Variants in HDGFL2 observed in about 807,000 individuals in gnomAD.
HDGFL2 encodes the protein HDGF like 2.
In HDGFL2, 36 loss-of-function variants were observed where a neutral mutation model predicts 77.1. That is an observed-to-expected ratio of 0.47 (90% CI 0.36 to 0.62). HDGFL2 has a LOEUF of 0.62. Ranked by LOEUF, HDGFL2 falls within the 20% of genes least tolerant of loss-of-function variation. The pLI is 0.00. For synonymous variants in HDGFL2, 463 were observed against 413.1 expected (o/e 1.12, Z -1.46); for missense variants, 976 against 973.4 (o/e 1.00, Z -0.04).
intron 3 of HDGFL2, among the ~76,000 whole-genome samples, chr19:4,485,988 G>A (rs1399827309): frequency 6.7e-6 from 1 of 149,892 alleles, no homozygotes; most frequent in Non-Finnish European, 1.5e-5. Flanking sequence ...AGGAAGTTGA[G>A]GCTGCAGTGA....
chr19:4,497,708 A>G, intron 10 of HDGFL2: 1 of 541,356 alleles, frequency 1.8e-6, no homozygotes, highest in Non-Finnish European at 3.3e-6. Flanking sequence ...AACGAGGAAA[A>G]GAATCCTGGG....
Position 4,502,052 on chromosome 19 carries a change from G to A in HDGFL2, c.*42G>A, listed in dbSNP as rs766430549. The A allele has an allele frequency of 2.6e-5, 36 of 1,379,532 alleles. No homozygotes were observed. Among genetic ancestry groups the A allele is most frequent in the South Asian group, 2.0e-4 (16 of 80,774 alleles). 85.5% of individuals were successfully genotyped at this position (1,379,532 alleles called of 1,614,324 possible). On this transcript the variant is annotated 3_prime_UTR_variant, in exon 16 of 16. Transcript: ENST00000616600. ...CCCAGCCCCCGCCCGAGCTCAGGCT[G>A]CCCCTCTCCTTCCCCGGCTCGCAGG... is the stretch of plus-strand genomic sequence containing the variant.
chr19:4,494,106 G>T, intron 8 of HDGFL2, 49 bp downstream of exon 8: 1 of 1,515,322 alleles, frequency 6.6e-7, no homozygotes, highest in Non-Finnish European at 8.8e-7. Context: ...CATCGGCTGA[G>T]GGGCAGGGCG....
At chr19:4,472,515 C>A in intron 1 of HDGFL2, 93 bp downstream of exon 1, 1 of 853,398 alleles carries the variant, frequency 1.2e-6, no homozygotes, top group Non-Finnish European at 1.6e-6. Context: ...CCGGGGTTGT[C>A]CTGGGCCTGA....
intron 3 of HDGFL2, among the ~76,000 whole-genome samples, chr19:4,478,204 T>TTG (rs1299201814): frequency 2.0e-5 from 3 of 151,814 alleles, no homozygotes; most frequent in Non-Finnish European, 2.9e-5. Context: ...GCTGTTTTTT[T>TTG]TTTTTTGTTT....
chr19:4,484,855 T>C (rs1221010121), intron 3 of HDGFL2, among the ~76,000 whole-genome samples: 1 of 151,942 alleles, frequency 6.6e-6, no homozygotes, highest in Admixed American at 6.6e-5. Flanking sequence ...GTATTTTTAG[T>C]AGAGGCGGGG....
intron 7 of HDGFL2, 45 bp from the exon 8 acceptor site, chr19:4,493,937 T>G: frequency 6.4e-7 from 1 of 1,570,226 alleles, no homozygotes; most frequent in Non-Finnish European, 8.6e-7. Flanking sequence ...CTGGTCACCT[T>G]GGAGCCCTGG....
Position 4,472,371 on chromosome 19 carries a change from C to G in HDGFL2, c.21C>G (p.Pro7=), listed in dbSNP as rs201635559. Residue 7 remains proline, a synonymous_variant, in exon 1 of 16, where the codon CCC becomes CCG. Coordinates refer to ENST00000616600, the MANE Select transcript of HDGFL2 (RefSeq NM_001001520.3). MPHAFK[P]GDLVFAKMKG... Reference sequence around the variant, plus strand: ...TCAGCATGCCACACGCCTTCAAGCCCGGGGACTTGGTGTTCGCTAAGATGA... The same window carrying G: ...TCAGCATGCCACACGCCTTCAAGCCGGGGGACTTGGTGTTCGCTAAGATGA... The G allele has an allele frequency of 1.0e-5, 15 of 1,428,884 alleles. No homozygotes were observed. Among genetic ancestry groups the G allele is most frequent in the Non-Finnish European group, 1.3e-5 (14 of 1,076,478 alleles). The allele number at this position is 1,428,884 out of a possible 1,614,324, so 88.5% of individuals were successfully genotyped here.
In HDGFL2 at chr19:4,482,455, CT is replaced by C. The variant is rs921232045; in HGVS notation, c.289-6220del. 3.9e-5 allele frequency among the ~76,000 whole-genome samples: 6 copies of C among 152,192 alleles called. No individual in the cohort carries two copies. The South Asian group carries it at 1.0e-3, about 26-fold the overall frequency. ...GAACTCCTGACCTTATGATCCACCC[CT>C]ATCGGCCTCCCCAAGTGCTGGGATT... is the stretch of plus-strand genomic sequence containing the variant. On this transcript the variant is annotated intron_variant, in intron 3 of 15. Coordinates refer to ENST00000616600, the MANE Select transcript of HDGFL2 (RefSeq NM_001001520.3).
chr19:4,473,323 A>C (rs940131668), intron 1 of HDGFL2, among the ~76,000 whole-genome samples: 23 of 148,080 alleles, frequency 1.6e-4, no homozygotes, highest in African/African-American at 5.8e-4. Flanking sequence ...GAGCTGCACC[A>C]TGGGGATCTG....
intron 3 of HDGFL2, among the ~76,000 whole-genome samples, chr19:4,477,439 C>T (rs772268307): frequency 3.3e-5 from 5 of 152,092 alleles, no homozygotes; most frequent in Admixed American, 6.6e-5. Flanking sequence ...CTGAGGTTTC[C>T]CTGGTTTCAT....
chr19:4,496,621 C>T (rs934690487), intron 10 of HDGFL2, among the ~76,000 whole-genome samples: 4 of 152,156 alleles, frequency 2.6e-5, no homozygotes, highest in Admixed American at 6.5e-5. Flanking sequence ...AGGGCGATCC[C>T]GCCTCCAGAG....
chr19:4,489,463 G>C (rs1276232963), intron 4 of HDGFL2, among the ~76,000 whole-genome samples: 1 of 151,944 alleles, frequency 6.6e-6, no homozygotes, highest in African/African-American at 2.4e-5. Context: ...GAGTGCGGTG[G>C]CACGATCTCA....
In HDGFL2 at chr19:4,496,403, C is replaced by G. The variant is rs767391222; in HGVS notation, c.1326C>G (p.Ala442=). The change falls in exon 10 of 16, where the codon GCC becomes GCG. Residue 442 remains alanine (A), a splice_region_variant and synonymous_variant. Transcript: ENST00000616600. The stretch of plus-strand genomic sequence containing the variant: ...TGCGGCCCGAGGAGAAGCAACAAGC[C>G]AAGTGAGCCCTGCTCTGCCCCTCCA... ...KRVRPEEKQQ[A]KPVKVERTRK... is the part of the protein sequence containing the mutation. 1.9e-6 allele frequency: 3 copies of G among 1,612,834 alleles called. No homozygotes were observed. Among genetic ancestry groups the G allele is most frequent in the South Asian group, 1.1e-5 (1 of 90,996 alleles).
At chr19:4,495,721 G>A (rs1378457998) in intron 9 of HDGFL2, among the ~76,000 whole-genome samples, 3 of 152,252 alleles carry the variant, frequency 2.0e-5, no homozygotes, top group East Asian at 1.9e-4. Flanking sequence ...GTGCTCTCGG[G>A]TGCCCTCTGG....
intron 3 of HDGFL2, among the ~76,000 whole-genome samples, chr19:4,482,700 C>T (rs984169363): frequency 6.6e-6 from 1 of 152,226 alleles, no homozygotes; most frequent in Non-Finnish European, 1.5e-5. Context: ...CCTGCTCGTG[C>T]TTTCATCTCA....
At chr19:4,485,958 T>G (rs1599709150) in intron 3 of HDGFL2, among the ~76,000 whole-genome samples, 1 of 132,996 alleles carries the variant, frequency 7.5e-6, no homozygotes, top group South Asian at 2.4e-4. Context: ...GAGGCTGAGG[T>G]GGGAGGATCA....
Position 4,488,732 on chromosome 19 carries a change from C to T in HDGFL2, c.345C>T (p.Asp115=), listed in dbSNP as rs376080172. Residue 115 remains aspartate (D), a synonymous_variant, in exon 4 of 16, where the codon GAC becomes GAT. Transcript: ENST00000616600. ...AGGCCAACCCCGCCGACGGCAGTGA[C>T]GCTGACGAGGACGATGAGGACCGGG... ...APEANPADGS[D]ADEDDEDRGV... 4.1e-5 allele frequency: 64 copies of T among 1,553,798 alleles called. No individual in the cohort carries two copies. The Middle Eastern group carries it at 5.0e-4, about 12-fold the overall frequency.
At chr19:4,483,786 G>T (rs1975284149) in intron 3 of HDGFL2, among the ~76,000 whole-genome samples, 3 of 123,856 alleles carry the variant, frequency 2.4e-5, no homozygotes, top group Non-Finnish European at 3.3e-5. Context: ...ATTGTTTCAT[G>T]ATTTTTTTTT....
Sources: gnomAD v4.1 joint callset for allele counts (sites outside exome capture counted in the v4.1 genomes callset) on GRCh38, gnomAD v4.1.1 for gene constraint, MANE v1.5 for transcripts, NCBI Gene and HGNC (gene_info 2026-07-23, HGNC 2026-07-21) for gene names.